ATP8B4: variants seen among roughly 807,000 people sequenced by gnomAD.
The protein encoded by ATP8B4 is ATPase phospholipid transporting 8B4 (putative).
In ATP8B4, 133 loss-of-function variants were observed where a neutral mutation model predicts 145.6. The observed-to-expected ratio is 0.91, with a 90% confidence interval of 0.79 to 1.05. The LOEUF (loss-of-function observed/expected upper bound fraction) is 1.05. Among genes scored for constraint, ATP8B4 ranks in the 50% least tolerant of loss-of-function variants. The probability of loss-of-function intolerance (pLI) is 0.00; values close to 1 mark genes in which losing one functional copy is unlikely to be tolerated. For missense variants in ATP8B4, 1,458 were observed against 1,425.2 expected, an observed-to-expected ratio of 1.02 and a Z score of -0.37; for synonymous variants, 507 against 492.9, an observed-to-expected ratio of 1.03 and a Z score of -0.38.
intron 1 of ATP8B4, among the ~76,000 whole-genome samples, chr15:50,135,341 C>T (rs1161573187): frequency 4.6e-5 from 7 of 152,066 alleles, no homozygotes; most frequent in African/African-American, 1.7e-4. Flanking sequence ...ATAGTTTTTC[C>T]ATATTGCTCT....
chr15:50,123,290 T>A (rs977873799), upstream of ATP8B4, among the ~76,000 whole-genome samples: 2 of 152,188 alleles, frequency 1.3e-5, no homozygotes, highest in Admixed American at 1.3e-4. Flanking sequence ...TGGGAAAAAT[T>A]TAGTTTATAG....
intron 23 of ATP8B4, among the ~76,000 whole-genome samples, chr15:49,891,877 G>C (rs892040758): frequency 6.6e-6 from 1 of 151,968 alleles, no homozygotes; most frequent in African/African-American, 2.4e-5. Flanking sequence ...GCATTTTGAG[G>C]GGTCGAGGCA....
At chr15:50,106,835 C>T in intron 2 of ATP8B4, 104 bp downstream of exon 2, 1 of 1,171,860 alleles carries the variant, frequency 8.5e-7, no homozygotes, top group East Asian at 2.6e-5. Flanking sequence ...GAGCTGAACA[C>T]CTAGACCTGT....
At chr15:49,894,996 C>G (rs1040426345) in intron 23 of ATP8B4, 4 of 152,200 alleles carry the variant, frequency 2.6e-5, no homozygotes, top group Middle Eastern at 6.3e-3. Context: ...AATAGACTGG[C>G]TAAACTGGGG....
At position 50,061,822 on chromosome 15, in the gene ATP8B4, C is replaced by G. The variant is rs928854796; in HGVS notation, c.87+12305G>C. ...TACATAAATGAAACATGGTATTTTACCATTCTTTCATTCTCTTTGAAAGAC... is the reference window on the plus strand; with the variant it reads ...TACATAAATGAAACATGGTATTTTAGCATTCTTTCATTCTCTTTGAAAGAC... On this transcript the variant is annotated intron_variant, in intron 3 of 27. Coordinates refer to ENST00000284509, the MANE Select transcript of ATP8B4 (RefSeq NM_024837.4). Among the ~76,000 whole-genome samples, 4 of 152,092 alleles carry G rather than the reference C, an allele frequency of 2.6e-5. No individual in the cohort carries two copies. The South Asian group carries it at 8.3e-4, about 32-fold the overall frequency.
chr15:49,917,541 A>T (rs114116369), intron 19 of ATP8B4, among the ~76,000 whole-genome samples: 1,592 of 152,318 alleles, frequency 0.01, 40 homozygotes, highest in African/African-American at 0.037. Flanking sequence ...CACACACAAC[A>T]TTGCCATTTT....
intron 25 of ATP8B4, among the ~76,000 whole-genome samples, chr15:49,873,882 A>G (rs1167833758): frequency 6.6e-6 from 1 of 152,240 alleles, no homozygotes; most frequent in Admixed American, 6.5e-5. Context: ...GACTCAGCAC[A>G]GGAGGACCCT....
intron 7 of ATP8B4, chr15:50,009,510 G>T: frequency 5.9e-6 from 2 of 339,056 alleles, no homozygotes; most frequent in South Asian, 4.6e-5. Context: ...ACAAACCAAA[G>T]ACAAAGAAGA....
chr15:49,940,257 C>T (rs1273476990), intron 14 of ATP8B4, among the ~76,000 whole-genome samples: 9 of 152,114 alleles, frequency 5.9e-5, no homozygotes, highest in African/African-American at 2.4e-5. Context: ...CACATGGATG[C>T]AGCTGGAGGC....
intron 2 of ATP8B4, among the ~76,000 whole-genome samples, chr15:50,095,814 G>C (rs2055944646): frequency 6.6e-6 from 1 of 151,992 alleles, no homozygotes; most frequent in Admixed American, 6.6e-5. Context: ...TGAGCTACTT[G>C]TCAGAGCAAT....
chr15:49,943,091 A>G (rs780986017), intron 14 of ATP8B4, among the ~76,000 whole-genome samples: 33 of 152,132 alleles, frequency 2.2e-4, no homozygotes, highest in Non-Finnish European at 3.4e-4. Context: ...AAAATTCACT[A>G]CAAGGGTTCA....
chr15:49,962,055 G>T (rs202044373), intron 13 of ATP8B4, 35 bp from the exon 14 acceptor site: 1 of 1,511,220 alleles, frequency 6.6e-7, no homozygotes, highest in Non-Finnish European at 9.0e-7. Context: ...AAAAGTAAGT[G>T]AAACCGAAAT....
intron 25 of ATP8B4, among the ~76,000 whole-genome samples, chr15:49,871,198 C>T (rs2153385403): frequency 6.6e-6 from 1 of 152,306 alleles, no homozygotes; most frequent in East Asian, 1.9e-4. Context: ...GGTAATAGTA[C>T]TTACATTTCA....
At chr15:49,914,531 G>A (rs919009064) in intron 20 of ATP8B4, among the ~76,000 whole-genome samples, 2 of 152,092 alleles carry the variant, frequency 1.3e-5, no homozygotes, top group African/African-American at 2.4e-5. Context: ...TCAACAGACT[G>A]AAGAGACAGT....
chr15:50,024,225 G>A (rs1260453621), intron 6 of ATP8B4, among the ~76,000 whole-genome samples: 1 of 152,092 alleles, frequency 6.6e-6, no homozygotes, highest in Non-Finnish European at 1.5e-5. Flanking sequence ...GACGGAGAGA[G>A]TAAACAGATT....
intron 1 of ATP8B4, among the ~76,000 whole-genome samples, chr15:50,116,414 G>A (rs1595612991): frequency 6.6e-6 from 1 of 152,066 alleles, no homozygotes; most frequent in Non-Finnish European, 1.5e-5. Flanking sequence ...AAGGTGGAGG[G>A]GCAGAAGAAG....
chr15:49,999,367 C>T (rs999277450), intron 8 of ATP8B4, among the ~76,000 whole-genome samples: 4 of 126,578 alleles, frequency 3.2e-5, no homozygotes, highest in Non-Finnish European at 6.3e-5. Flanking sequence ...GGGAACATCA[C>T]ACTCTGGGGA....
In ATP8B4 at chr15:50,106,941, C is replaced by G. The variant is rs73402905; in HGVS notation, c.26G>C (p.Arg9Pro). 1 of 1,597,152 alleles carries G rather than the reference C, an allele frequency of 6.3e-7. No individual in the cohort carries two copies. Among genetic ancestry groups the G allele is most frequent in the African/African-American group, 1.4e-5 (1 of 74,060 alleles). The part of the protein sequence containing the change: MFCSEKKL[R>P]EVERIVKAND... ...CATTGGAAGAACTCAAAACTTACCACGCAATTTCTTTTCACTGCAGAACAT... is the reference window on the plus strand; with the variant it reads ...CATTGGAAGAACTCAAAACTTACCAGGCAATTTCTTTTCACTGCAGAACAT... The change falls in exon 2 of 28, where the codon CGT becomes CCT. Residue 9 changes from arginine to proline, a missense_variant and splice_region_variant. Arg to Pro is a moderately radical substitution (Grantham distance 103). Coordinates refer to ENST00000284509, the MANE Select transcript of ATP8B4 (RefSeq NM_024837.4).
intron 14 of ATP8B4, among the ~76,000 whole-genome samples, chr15:49,943,978 T>C (rs142136221): frequency 2.6e-5 from 4 of 152,166 alleles, no homozygotes; most frequent in Non-Finnish European, 5.9e-5. Context: ...CATTTTTGTA[T>C]GTGATTTAAC....
Sources: gnomAD v4.1 joint callset for allele counts (sites outside exome capture counted in the v4.1 genomes callset) on GRCh38, gnomAD v4.1.1 for gene constraint, MANE v1.5 for transcripts, NCBI Gene and HGNC (gene_info 2026-07-23, HGNC 2026-07-21) for gene names.